The following PRKAR1B variants were observed in gnomAD, a reference collection of about 807,000 sequenced individuals.
PRKAR1B encodes the protein cAMP-dependent protein kinase type I-beta regulatory subunit.
In PRKAR1B, 22 loss-of-function variants were observed where a neutral mutation model predicts 46.5. That is an observed-to-expected ratio of 0.47 (90% confidence interval 0.34 to 0.68). The LOEUF is 0.68. PRKAR1B is among the 30% of genes least tolerant of loss of function. PRKAR1B has a pLI of 0.01. For missense variants in PRKAR1B, 445 were observed against 535.6 expected, an observed-to-expected ratio of 0.83 and a Z score of 1.67; for synonymous variants, 259 against 217.7, an observed-to-expected ratio of 1.19 and a Z score of -1.67.
In PRKAR1B at chr7:560,607, G is replaced by A. The variant is rs112629489; in HGVS notation, c.892-9137C>T. On this transcript the variant is annotated intron_variant, in intron 9 of 10. Transcript: ENST00000537384. This position sits in a 1 kb window ranked among gnomAD's most constrained non-coding sequence, Gnocchi z 4.2. ...AGGTCATCAGCACCAAAATCGGGCCGCAGACCAAGAGTCGAAGAGTCTGGG... is the reference window on the plus strand; with the variant it reads ...AGGTCATCAGCACCAAAATCGGGCCACAGACCAAGAGTCGAAGAGTCTGGG... Among the ~76,000 whole-genome samples, 12 of 152,206 alleles carry A rather than the reference G, an allele frequency of 7.9e-5. 1 individual carries two copies. The highest frequency in any genetic ancestry group is 2.4e-4 in the African/African-American group (10 of 41,526).
In PRKAR1B at chr7:607,512, C is replaced by T; in HGVS notation, c.441-60G>A. The stretch of plus-strand genomic sequence containing the variant: ...GCAGCACAGGGACATTTAAACCCTT[C>T]CTCCCCTCATTTCACAGTCTTGTGT... On this transcript the variant is annotated intron_variant, in intron 4 of 10. Transcript: ENST00000537384. 4 of 1,398,014 alleles carry T rather than the reference C, an allele frequency of 2.9e-6. 1 individual carries two copies. In the South Asian group the frequency reaches 3.5e-5, roughly 12 times the overall value. 86.6% of individuals were successfully genotyped at this position (1,398,014 alleles called of 1,614,324 possible).
intron 1 of PRKAR1B, among the ~76,000 whole-genome samples, chr7:711,865 T>C (rs1780653470): frequency 6.7e-6 from 1 of 149,918 alleles, no homozygotes; most frequent in Non-Finnish European, 1.5e-5. Context: ...GCCCTGAGGG[T>C]CCAGCCGGGG....
chr7:581,479 T>C (rs954645792), intron 8 of PRKAR1B, among the ~76,000 whole-genome samples: 10 of 152,192 alleles, frequency 6.6e-5, no homozygotes, highest in African/African-American at 2.2e-4. Context: ...GACCAGCATA[T>C]GAATTTGGAG....
intron 7 of PRKAR1B, among the ~76,000 whole-genome samples, chr7:594,720 G>A (rs557758252): frequency 4.7e-4 from 71 of 151,836 alleles, no homozygotes; most frequent in African/African-American, 1.6e-3. Flanking sequence ...CAGACCACAA[G>A]GGAAATCCCA....
At chr7:610,900 G>A (rs1047944481) in intron 4 of PRKAR1B, among the ~76,000 whole-genome samples, 1 of 152,182 alleles carries the variant, frequency 6.6e-6, no homozygotes, top group African/African-American at 2.4e-5. Context: ...ACACAGCTTC[G>A]CACTTCTGCA....
chr7:588,684 ATGGTGATGG>A (rs1780767962), intron 7 of PRKAR1B, among the ~76,000 whole-genome samples: 1 of 11,284 alleles, frequency 8.9e-5, no homozygotes, highest in African/African-American at 3.4e-4. Flanking sequence ...GATGACGATG[ATGGTGATGG>A]TGGTGATGGT....
In PRKAR1B at chr7:636,437, C is replaced by T. The variant is rs1201595076; in HGVS notation, c.441-28985G>A. ...CCGCGCCCACACGTCCTCCACCGGC[C>T]GCGCCCTCACGTCCTCCACCGGACT... is the stretch of plus-strand genomic sequence containing the variant. On this transcript the variant is annotated intron_variant, in intron 4 of 10. Coordinates refer to ENST00000537384, the MANE Select transcript of PRKAR1B (RefSeq NM_001164760.2). Among the ~76,000 whole-genome samples the T allele has an allele frequency of 5.9e-3, 467 of 79,232 alleles. 13 individuals are homozygous for T. Among genetic ancestry groups the T allele is most frequent in the Non-Finnish European group, 7.7e-3 (247 of 32,078 alleles). 52.0% of individuals were successfully genotyped at this position (79,232 alleles called of 152,430 possible).
At chr7:673,058 A>AAC (rs1786359210) in intron 4 of PRKAR1B, among the ~76,000 whole-genome samples, 2 of 131,716 alleles carry the variant, frequency 1.5e-5, no homozygotes, top group African/African-American at 6.1e-5. Flanking sequence ...AAAAAAAAAA[A>AAC]AAAAAAAAAA....
intron 5 of PRKAR1B, among the ~76,000 whole-genome samples, chr7:606,498 G>A (rs1364157590): frequency 6.6e-6 from 1 of 151,846 alleles, no homozygotes; most frequent in African/African-American, 2.4e-5. Context: ...TTTTTTTTGA[G>A]ACGGAGTCAG....
At chr7:589,102 A>G (rs948608799) in intron 7 of PRKAR1B, among the ~76,000 whole-genome samples, 1 of 129,600 alleles carries the variant, frequency 7.7e-6, no homozygotes, top group Admixed American at 7.8e-5. Flanking sequence ...AAGTGTGCTG[A>G]CGGGGAAAGT....
chr7:622,470 T>C (rs945737011), intron 4 of PRKAR1B, among the ~76,000 whole-genome samples: 2 of 152,234 alleles, frequency 1.3e-5, no homozygotes, highest in Admixed American at 6.5e-5. Flanking sequence ...TGGGAGAACA[T>C]GAATGTGCTA....
At chr7:556,725 C>G (rs112190315) in intron 9 of PRKAR1B, among the ~76,000 whole-genome samples, 1 of 152,148 alleles carries the variant, frequency 6.6e-6, no homozygotes, top group East Asian at 1.9e-4. Flanking sequence ...CACGCACCTC[C>G]GGCACGTCGA....
intron 1 of PRKAR1B, among the ~76,000 whole-genome samples, chr7:722,305 T>C (rs1462064524): frequency 6.6e-6 from 1 of 152,102 alleles, no homozygotes; most frequent in Non-Finnish European, 1.5e-5. Context: ...TTTCACCATG[T>C]TGTCCAGGCT....
intron 4 of PRKAR1B, among the ~76,000 whole-genome samples, chr7:641,805 C>T (rs1041234202): frequency 1.3e-5 from 2 of 152,122 alleles, no homozygotes; most frequent in Non-Finnish European, 2.9e-5. Flanking sequence ...TATTGAATGA[C>T]TCCATTTATT....
intron 4 of PRKAR1B, 63 bp from the exon 5 acceptor site, chr7:607,515 C>A: frequency 1.5e-6 from 2 of 1,372,544 alleles, no homozygotes; most frequent in Non-Finnish European, 2.1e-6. Flanking sequence ...AACCCTTCCT[C>A]CCCTCATTTC....
intron 1 of PRKAR1B, among the ~76,000 whole-genome samples, chr7:723,942 C>T (rs1781162054): frequency 6.6e-6 from 1 of 152,214 alleles, no homozygotes; most frequent in South Asian, 2.1e-4. Flanking sequence ...TCTTCATGCT[C>T]ATACTGCATT....
intron 4 of PRKAR1B, among the ~76,000 whole-genome samples, chr7:629,127 A>T (rs1454743699): frequency 6.6e-6 from 1 of 152,228 alleles, no homozygotes; most frequent in African/African-American, 2.4e-5. Context: ...TTCCTCAGCC[A>T]TCACCTCCCA....
intron 9 of PRKAR1B, among the ~76,000 whole-genome samples, chr7:557,924 G>C (rs1182101436): frequency 6.6e-6 from 1 of 152,192 alleles, no homozygotes. Flanking sequence ...AACCTGGGAG[G>C]AGACGCCGCA....
chr7:622,024 T>C (rs1216483987), intron 4 of PRKAR1B, among the ~76,000 whole-genome samples: 1 of 152,256 alleles, frequency 6.6e-6, no homozygotes, highest in African/African-American at 2.4e-5. Context: ...TCAGCCAGTC[T>C]CTTCACCACT....
Sources: allele counts gnomAD v4.1 joint callset (sites outside exome capture counted in the v4.1 genomes callset), GRCh38; gene constraint gnomAD v4.1.1; non-coding constraint Gnocchi (gnomAD v3.1); transcripts MANE v1.5; gene names NCBI Gene and HGNC (gene_info 2026-07-23, HGNC 2026-07-21).